PARG: variants seen among roughly 807,000 people sequenced by gnomAD.
PARG encodes the protein mitochondrial poly(ADP-ribose) glycohydrolase.
In PARG, 35 loss-of-function variants were observed where a neutral mutation model predicts 113.0. The observed-to-expected ratio is 0.31, with a 90% CI of 0.24 to 0.41. The LOEUF (loss-of-function observed/expected upper bound fraction) is 0.41. PARG is among the 10% of genes least tolerant of loss of function. The probability of loss-of-function intolerance (pLI) is 1.00; values close to 1 mark genes in which losing one functional copy is unlikely to be tolerated. For missense variants in PARG, 797 were observed against 1,169.4 expected (o/e 0.68, Z 4.64); for synonymous variants, 330 against 409.9 (o/e 0.81, Z 2.36).
chr10:49,845,464 T>G (rs1174527443), intron 13 of PARG, among the ~76,000 whole-genome samples: 3 of 152,106 alleles, frequency 2.0e-5, no homozygotes, highest in Admixed American at 6.5e-5. Context: ...GTCCAAAGGG[T>G]GCACTGGAAC....
In PARG at chr10:49,932,286, A is replaced by G; in HGVS notation, c.1272-3T>C. 1 of 1,536,470 alleles carries G rather than the reference A, an allele frequency of 6.5e-7. No homozygotes were observed. The stretch of plus-strand genomic sequence containing the variant: ...GTTTGGTTTCCCACTGTTCTTTTCT[A>G]AGGTCAAGACAAATGTATTTAGTCA... On this transcript the variant is annotated splice_polypyrimidine_tract_variant and splice_region_variant and intron_variant, in intron 3 of 17. Coordinates refer to ENST00000616448, the MANE Select transcript of PARG (RefSeq NM_003631.5).
At chr10:49,840,593 T>A (rs1397327056) in intron 15 of PARG, among the ~76,000 whole-genome samples, 2 of 152,260 alleles carry the variant, frequency 1.3e-5, no homozygotes, top group Middle Eastern at 3.4e-3. Flanking sequence ...CTTTAAAAAA[T>A]AGTGCATTAT....
chr10:49,851,056 G>A (rs1392279338), intron 13 of PARG, among the ~76,000 whole-genome samples: 3 of 152,306 alleles, frequency 2.0e-5, no homozygotes, highest in Non-Finnish European at 4.4e-5. Flanking sequence ...AGACTTCATA[G>A]TCAAAGACCT....
chr10:49,931,170 T>A (rs1340649409), intron 4 of PARG, among the ~76,000 whole-genome samples: 1 of 151,942 alleles, frequency 6.6e-6, no homozygotes, highest in African/African-American at 2.4e-5. Context: ...CCCATAGCCC[T>A]CGTTATAGTC....
At chr10:49,890,044 C>G (rs146702921) in intron 7 of PARG, among the ~76,000 whole-genome samples, 2 of 151,990 alleles carry the variant, frequency 1.3e-5, no homozygotes, top group Admixed American at 6.6e-5. Flanking sequence ...CTTAACTTCA[C>G]GAAAAGCAAG....
chr10:49,913,478 A>T (rs1407712525), intron 7 of PARG, among the ~76,000 whole-genome samples: 1 of 152,260 alleles, frequency 6.6e-6, no homozygotes, highest in East Asian at 1.9e-4. Context: ...AATTTTAAAC[A>T]TACATTTATG....
At chr10:49,885,708 T>C (rs1325578177) in intron 7 of PARG, among the ~76,000 whole-genome samples, 6 of 152,194 alleles carry the variant, frequency 3.9e-5, no homozygotes, top group African/African-American at 1.4e-4. Flanking sequence ...GTTTCAATGG[T>C]CTACAATTGA....
At chr10:49,914,507 T>C (rs1279963312) in intron 7 of PARG, among the ~76,000 whole-genome samples, 10 of 152,336 alleles carry the variant, frequency 6.6e-5, no homozygotes, top group African/African-American at 1.4e-4. Flanking sequence ...ACTGGCACTA[T>C]CTCGAAATGC....
chr10:49,899,338 A>ACC (rs1848246746), intron 7 of PARG, among the ~76,000 whole-genome samples: 1 of 152,228 alleles, frequency 6.6e-6, no homozygotes, highest in Non-Finnish European at 1.5e-5. Flanking sequence ...TCAACTGGAG[A>ACC]AGGTGAAAAT....
At chr10:49,914,182 T>C (rs1367723714) in intron 7 of PARG, among the ~76,000 whole-genome samples, 33 of 152,234 alleles carry the variant, frequency 2.2e-4, no homozygotes, top group African/African-American at 7.2e-4. Flanking sequence ...ACCAATGGCA[T>C]GTTTTACTGC....
intron 12 of PARG, among the ~76,000 whole-genome samples, chr10:49,860,913 A>G (rs1554835821): frequency 6.6e-6 from 1 of 152,118 alleles, no homozygotes; most frequent in Admixed American, 6.6e-5. Flanking sequence ...AAATCAAAAG[A>G]TTAGGTTAGA....
chr10:49,898,987 A>G (rs1848229042), intron 7 of PARG, among the ~76,000 whole-genome samples: 1 of 152,216 alleles, frequency 6.6e-6, no homozygotes, highest in South Asian at 2.1e-4. Flanking sequence ...AAGATTTATG[A>G]TTGATTCACC....
At position 49,884,472 on chromosome 10, in the gene PARG, G is replaced by A. The variant is rs547608246; in HGVS notation, c.1830+731C>T. 1.1e-4 allele frequency among the ~76,000 whole-genome samples: 16 copies of A among 152,302 alleles called. 1 individual carries two copies. In the South Asian group the frequency reaches 2.7e-3, roughly 26 times the overall value. On this transcript the variant is annotated intron_variant, in intron 8 of 17. Transcript: ENST00000616448. ...AAAGTAGCCAGGTGTGGTGGCGCACGCCTGTAATCCCAGCTACTTGGGAAG... is the reference window on the plus strand; with the variant it reads ...AAAGTAGCCAGGTGTGGTGGCGCACACCTGTAATCCCAGCTACTTGGGAAG...
At chr10:49,827,517 G>A (rs1311034212) in intron 16 of PARG, among the ~76,000 whole-genome samples, 3 of 151,990 alleles carry the variant, frequency 2.0e-5, no homozygotes, top group African/African-American at 4.8e-5. Context: ...CCTCTTTTCC[G>A]CTTACCACTA....
Position 49,843,551 on chromosome 10 carries a change from C to A in PARG, c.2432+3G>T. On this transcript the variant is annotated splice_donor_region_variant and intron_variant, in intron 14 of 17. Transcript: ENST00000616448. The stretch of plus-strand genomic sequence containing the variant: ...GGAATACTGAAGACAGAAACAGACT[C>A]ACCTTTCACTCCCATCTTCGTGGCT... The A allele has an allele frequency of 6.5e-7, 1 of 1,543,914 alleles. No individual in the cohort carries two copies. Among genetic ancestry groups the A allele is most frequent in the Non-Finnish European group, 8.8e-7 (1 of 1,139,920 alleles).
At chr10:49,928,052 C>T (rs1227833660) in intron 4 of PARG, among the ~76,000 whole-genome samples, 3 of 151,850 alleles carry the variant, frequency 2.0e-5, no homozygotes, top group African/African-American at 7.3e-5. Flanking sequence ...CGGGTGATCA[C>T]CTGAGGTCAG....
intron 9 of PARG, among the ~76,000 whole-genome samples, chr10:49,874,715 G>A (rs1564625665): frequency 1.3e-5 from 2 of 149,986 alleles, no homozygotes; most frequent in South Asian, 2.1e-4. Context: ...TTAGCCGGGC[G>A]TGGTGGTGGG....
In PARG at chr10:49,913,902, C is replaced by CATAA. The variant is rs566958948; in HGVS notation, c.1737+2011_1737+2014dup. Reference sequence around the variant, plus strand: ...TGGGTGACAGAGTGAGACTCCATTTCATAAATAAATAAATAAATAAATATT... The same window carrying CATAA: ...TGGGTGACAGAGTGAGACTCCATTTCATAAATAAATAAATAAATAAATAAATATT... On this transcript the variant is annotated intron_variant, in intron 7 of 17. Transcript: ENST00000616448. Among the ~76,000 whole-genome samples, 1,233 of 151,666 alleles carry CATAA rather than the reference C, an allele frequency of 8.1e-3. 10 individuals are homozygous for CATAA. Among genetic ancestry groups the CATAA allele is most frequent in the African/African-American group, 0.028 (1,136 of 41,248 alleles).
At position 49,827,636 on chromosome 10, in the gene PARG, A is replaced by T. The variant is rs113657031; in HGVS notation, c.2647+5167T>A. ...GCAAGTTGGAAGAACTTGTAAGTAAACAGCAAAGGAAATGCTAGGAGAAAT... is the reference window on the plus strand; with the variant it reads ...GCAAGTTGGAAGAACTTGTAAGTAATCAGCAAAGGAAATGCTAGGAGAAAT... On this transcript the variant is annotated intron_variant, in intron 16 of 17. Transcript: ENST00000616448. Among the ~76,000 whole-genome samples, 1,331 of 152,318 alleles carry T rather than the reference A, an allele frequency of 8.7e-3. 10 individuals are homozygous for T. Among genetic ancestry groups the T allele is most frequent in the African/African-American group, 0.03 (1,242 of 41,566 alleles).
Sources: gnomAD v4.1 joint callset for allele counts (sites outside exome capture counted in the v4.1 genomes callset) on GRCh38, gnomAD v4.1.1 for gene constraint, MANE v1.5 for transcripts, NCBI Gene and HGNC (gene_info 2026-07-23, HGNC 2026-07-21) for gene names.